COL24A1: variants seen among roughly 807,000 people sequenced by gnomAD.
COL24A1 encodes collagen alpha-1(XXIV) chain.
COL24A1 carries 224 observed loss-of-function variants against 253.9 expected under a neutral mutation model. That is an observed-to-expected ratio of 0.88 (90% confidence interval 0.79 to 0.99). The LOEUF (loss-of-function observed/expected upper bound fraction) is 0.99, where lower values mean the gene tolerates loss of function less well. Ranked by LOEUF, COL24A1 falls within the 50% of genes least tolerant of loss-of-function variation. The probability of loss-of-function intolerance (pLI) is 0.00; values close to 1 mark genes in which losing one functional copy is unlikely to be tolerated. For missense variants in COL24A1, 2,131 were observed against 2,068.5 expected (o/e 1.03, Z -0.59); for synonymous variants, 685 against 673.7 (o/e 1.02, Z -0.26).
intron 2 of COL24A1, among the ~76,000 whole-genome samples, chr1:86,139,044 A>ACAT (rs1471012863): frequency 6.6e-6 from 1 of 152,158 alleles, no homozygotes; most frequent in Non-Finnish European, 1.5e-5. Context: ...CAGTCTTCTA[A>ACAT]GCTTACAAAG....
intron 47 of COL24A1, among the ~76,000 whole-genome samples, chr1:85,809,524 G>A (rs1187995683): frequency 2.0e-5 from 3 of 151,996 alleles, no homozygotes; most frequent in Non-Finnish European, 4.4e-5. Context: ...AGTTTCATGG[G>A]TGAAGTTCCA....
chr1:85,881,462 C>CA (rs35434904), intron 32 of COL24A1, among the ~76,000 whole-genome samples: 31,544 of 141,984 alleles, frequency 0.22, 3,519 homozygotes, highest in Non-Finnish European at 0.25. Context: ...ACTAAAAATA[C>CA]AAAAAAAAAA....
At chr1:85,949,801 C>T (rs1402701646) in intron 24 of COL24A1, among the ~76,000 whole-genome samples, 1 of 152,130 alleles carries the variant, frequency 6.6e-6, no homozygotes, top group Admixed American at 6.6e-5. Context: ...TCTCCTTACG[C>T]TACAGGATAC....
At chr1:85,920,074 G>A (rs997880689) in intron 24 of COL24A1, among the ~76,000 whole-genome samples, 2 of 152,124 alleles carry the variant, frequency 1.3e-5, no homozygotes, top group Non-Finnish European at 1.5e-5. Context: ...CAGATCCTGT[G>A]CTAAGATTTA....
chr1:85,898,527 A>G (rs1231616761), intron 28 of COL24A1, among the ~76,000 whole-genome samples: 3 of 152,118 alleles, frequency 2.0e-5, no homozygotes, highest in African/African-American at 7.2e-5. Flanking sequence ...TTTCTGCTCT[A>G]TTTTCCAATG....
At chr1:86,103,635 T>C (rs1704667687) in intron 5 of COL24A1, among the ~76,000 whole-genome samples, 1 of 152,220 alleles carries the variant, frequency 6.6e-6, no homozygotes, top group African/African-American at 2.4e-5. Flanking sequence ...CTCCTTTGCT[T>C]ACAAAGCTTA....
chr1:85,923,071 G>T (rs1191316086), intron 24 of COL24A1, among the ~76,000 whole-genome samples: 1 of 152,072 alleles, frequency 6.6e-6, no homozygotes, highest in African/African-American at 2.4e-5. Flanking sequence ...AAGAGACAAA[G>T]AAGGCCATTA....
chr1:86,019,292 C>G (rs1447092585), intron 18 of COL24A1, among the ~76,000 whole-genome samples: 1 of 152,248 alleles, frequency 6.6e-6, no homozygotes, highest in East Asian at 1.9e-4. Context: ...TGCAGTGGCT[C>G]ACACCTATAA....
intron 6 of COL24A1, among the ~76,000 whole-genome samples, chr1:86,090,984 A>G (rs774855176): frequency 6.6e-6 from 1 of 152,098 alleles, no homozygotes; most frequent in Admixed American, 6.5e-5. Context: ...TTTTACTTAA[A>G]ATAGTCACCA....
chr1:86,069,305 T>C (rs189413854), intron 7 of COL24A1, among the ~76,000 whole-genome samples: 34 of 152,182 alleles, frequency 2.2e-4, no homozygotes, highest in African/African-American at 7.5e-4. Context: ...TAAGTAAACA[T>C]TGGTGAAAGC....
chr1:86,024,151 C>T (rs1697803706), intron 14 of COL24A1, among the ~76,000 whole-genome samples: 1 of 152,076 alleles, frequency 6.6e-6, no homozygotes, highest in Non-Finnish European at 1.5e-5. Flanking sequence ...ATTCTAGCTG[C>T]AGTGGACTGT....
intron 3 of COL24A1, among the ~76,000 whole-genome samples, chr1:86,122,137 A>G (rs919377758): frequency 6.6e-6 from 1 of 152,124 alleles, no homozygotes; most frequent in Non-Finnish European, 1.5e-5. Context: ...TCAAAGTTCA[A>G]CAATGACTTC....
Position 85,917,992 on chromosome 1 carries a change from G to T in COL24A1, c.2563-6559C>A, listed in dbSNP as rs1405389051. Among the ~76,000 whole-genome samples the T allele has an allele frequency of 2.0e-5, 3 of 152,196 alleles. No homozygotes were observed. In the East Asian group the frequency reaches 5.8e-4, roughly 29 times the overall value. ...CAAAGTGCTGGGATTACAGGCATGA[G>T]ATACCGTGCCCAAACCTTATTGGTT... On this transcript the variant is annotated intron_variant, in intron 24 of 59. Coordinates refer to ENST00000370571, the MANE Select transcript of COL24A1 (RefSeq NM_152890.7).
intron 51 of COL24A1, 44 bp from the exon 52 acceptor site, chr1:85,781,317 A>G (rs1669121446): frequency 7.8e-7 from 1 of 1,288,418 alleles, no homozygotes; most frequent in African/African-American, 1.5e-5. Context: ...AGTATAATTA[A>G]AAAAAAAAAA....
intron 11 of COL24A1, among the ~76,000 whole-genome samples, chr1:86,048,086 AT>A (rs1288915854): frequency 2.0e-5 from 3 of 152,184 alleles, no homozygotes; most frequent in African/African-American, 7.2e-5. Context: ...TTTTAAAAAA[AT>A]AGAATAATTA....
At chr1:85,874,017 A>C (rs1680854822) in intron 35 of COL24A1, among the ~76,000 whole-genome samples, 1 of 152,088 alleles carries the variant, frequency 6.6e-6, no homozygotes, top group Non-Finnish European at 1.5e-5. Flanking sequence ...ACCCCACCCC[A>C]CCCAAAAAAG....
intron 37 of COL24A1, among the ~76,000 whole-genome samples, chr1:85,855,455 C>T (rs1380897058): frequency 6.6e-6 from 1 of 151,948 alleles, no homozygotes; most frequent in Non-Finnish European, 1.5e-5. Flanking sequence ...TTTTTCTGTA[C>T]CTATTGAGAT....
chr1:85,858,801 C>A (rs1222553211), intron 37 of COL24A1, among the ~76,000 whole-genome samples: 1 of 151,696 alleles, frequency 6.6e-6, no homozygotes, highest in African/African-American at 2.4e-5. Flanking sequence ...AGTGCAGTGG[C>A]ATGATCATGG....
At chr1:86,041,526 AGAATTTCCT>A (rs1699482979) in intron 12 of COL24A1, among the ~76,000 whole-genome samples, 1 of 152,154 alleles carries the variant, frequency 6.6e-6, no homozygotes, top group South Asian at 2.1e-4. Context: ...AAGCAACTAT[AGAATTTCCT>A]GATTGTAGCA....
Sources: allele counts gnomAD v4.1 joint callset (sites outside exome capture counted in the v4.1 genomes callset), GRCh38; gene constraint gnomAD v4.1.1; transcripts MANE v1.5; gene names NCBI Gene and HGNC (gene_info 2026-07-23, HGNC 2026-07-21).